The following ATF7 variants were observed in gnomAD, a reference collection of about 807,000 sequenced individuals.
ATF7 encodes cyclic AMP-dependent transcription factor ATF-7.
In ATF7, 10 loss-of-function variants were observed where a neutral mutation model predicts 50.4. That is an observed-to-expected ratio of 0.20 (90% CI 0.12 to 0.34). ATF7 has a LOEUF of 0.34. ATF7 is among the 10% of genes least tolerant of loss of function. The pLI, the probability that ATF7 is intolerant of heterozygous loss-of-function variation, is 1.00. For missense variants in ATF7, 465 were observed against 613.9 expected (o/e 0.76, Z 2.56); for synonymous variants, 201 against 226.4 (o/e 0.89, Z 1.01).
intron 11 of ATF7, 116 bp from the exon 12 acceptor site, chr12:53,517,470 A>T (rs1937780567): frequency 9.4e-7 from 1 of 1,058,728 alleles, no homozygotes. Flanking sequence ...AATGAAACCC[A>T]TCTTTTTTTT....
intron 2 of ATF7, among the ~76,000 whole-genome samples, chr12:53,578,255 T>A (rs1159650793): frequency 6.7e-6 from 1 of 150,234 alleles, no homozygotes; most frequent in Non-Finnish European, 1.5e-5. Context: ...GTACCTATAG[T>A]CCTAGCTATT....
intron 2 of ATF7, among the ~76,000 whole-genome samples, chr12:53,567,958 C>T (rs1172830866): frequency 6.6e-6 from 1 of 152,156 alleles, no homozygotes; most frequent in African/African-American, 2.4e-5. Context: ...CCTTGAAAAA[C>T]GTATCAAATA....
intron 2 of ATF7, among the ~76,000 whole-genome samples, chr12:53,592,998 A>ATTCTTT (rs1356063637): frequency 6.6e-6 from 1 of 152,150 alleles, no homozygotes; most frequent in Non-Finnish European, 1.5e-5. Context: ...TAGCACTGTA[A>ATTCTTT]TTCTTTCAGA....
intron 2 of ATF7, among the ~76,000 whole-genome samples, chr12:53,578,446 C>T (rs369124630): frequency 1.3e-5 from 2 of 150,458 alleles, no homozygotes; most frequent in African/African-American, 4.9e-5. Context: ...TTGTTGCCCA[C>T]AGACTTGCCT....
intron 2 of ATF7, among the ~76,000 whole-genome samples, chr12:53,582,603 G>A (rs1942484994): frequency 6.6e-6 from 1 of 152,120 alleles, no homozygotes; most frequent in African/African-American, 2.4e-5. Context: ...TTTTGAGACG[G>A]AGTCTCGTTC....
downstream of ATF7, among the ~76,000 whole-genome samples, chr12:53,511,863 G>A (rs2137289264): frequency 6.6e-6 from 1 of 152,276 alleles, no homozygotes; most frequent in East Asian, 1.9e-4. Context: ...GTCATACTTT[G>A]TAATTTATAG....
At chr12:53,564,300 C>T (rs990628006) in intron 2 of ATF7, among the ~76,000 whole-genome samples, 3 of 152,154 alleles carry the variant, frequency 2.0e-5, no homozygotes, top group Non-Finnish European at 2.9e-5. Flanking sequence ...CACCTGAACC[C>T]AGGAAGTGGA....
intron 2 of ATF7, among the ~76,000 whole-genome samples, chr12:53,555,574 G>A (rs1270768119): frequency 7.7e-6 from 1 of 129,194 alleles, no homozygotes. Context: ...GCAATGGCAC[G>A]ATCTCAGCTC....
In ATF7 at chr12:53,600,820, C is replaced by A. The variant is rs114461472; in HGVS notation, c.48+133G>T. On this transcript the variant is annotated intron_variant, in intron 2 of 11. Transcript: ENST00000420353. ...CACTTCCTCATAACTTGGATTTACA[C>A]ACTGCAAATCCTCTGATCTGATTAC... 3.7e-6 allele frequency: 3 copies of A among 813,288 alleles called. No individual in the cohort carries two copies. The Admixed American group carries it at 7.5e-5, about 20-fold the overall frequency. The allele number at this position is 813,288 out of a possible 1,614,324, so 50.4% of individuals were successfully genotyped here.
chr12:53,592,268 C>T (rs999284873), intron 2 of ATF7, among the ~76,000 whole-genome samples: 2 of 152,230 alleles, frequency 1.3e-5, no homozygotes, highest in South Asian at 2.1e-4. Flanking sequence ...GCATATTTCA[C>T]TGCACAAAGA....
intron 9 of ATF7, among the ~76,000 whole-genome samples, chr12:53,528,830 A>G (rs1938666135): frequency 2.0e-5 from 3 of 152,190 alleles, no homozygotes; most frequent in Admixed American, 2.0e-4. Context: ...AATAGGGGAA[A>G]GGAAAGGTTC....
chr12:53,565,630 T>C (rs1415555537), intron 2 of ATF7, among the ~76,000 whole-genome samples: 1 of 151,950 alleles, frequency 6.6e-6, no homozygotes, highest in Non-Finnish European at 1.5e-5. Context: ...GTAGCTGGGA[T>C]TACAGGTGTG....
At chr12:53,597,740 C>T (rs1483071184) in intron 2 of ATF7, among the ~76,000 whole-genome samples, 3 of 146,532 alleles carry the variant, frequency 2.0e-5, no homozygotes, top group East Asian at 4.0e-4. Context: ...ACCCAGGAGG[C>T]GGAGCTTGCA....
chr12:53,554,874 A>G (rs1350680677), intron 2 of ATF7, among the ~76,000 whole-genome samples: 2 of 149,494 alleles, frequency 1.3e-5, no homozygotes, highest in Non-Finnish European at 3.0e-5. Flanking sequence ...AAAAAAGAAA[A>G]AAAAAAAAAA....
intron 2 of ATF7, among the ~76,000 whole-genome samples, chr12:53,568,391 C>T (rs903146059): frequency 2.6e-5 from 4 of 151,492 alleles, no homozygotes; most frequent in Non-Finnish European, 5.9e-5. Flanking sequence ...AAGGAGATTA[C>T]GCACACACAC....
At chr12:53,584,311 A>G (rs1452183358) in intron 2 of ATF7, among the ~76,000 whole-genome samples, 3 of 152,218 alleles carry the variant, frequency 2.0e-5, no homozygotes, top group African/African-American at 4.8e-5. Flanking sequence ...AATTAAAACA[A>G]CAAAATCCAT....
intron 7 of ATF7, 113 bp from the exon 8 acceptor site, chr12:53,532,736 T>C (rs1340089137): frequency 1.4e-6 from 1 of 711,992 alleles, no homozygotes; most frequent in Non-Finnish European, 2.4e-6. Flanking sequence ...GGGCCTGTTG[T>C]GTGCAATGTG....
At chr12:53,607,335 G>A (rs1264578155) in intron 1 of ATF7, among the ~76,000 whole-genome samples, 4 of 152,060 alleles carry the variant, frequency 2.6e-5, no homozygotes, top group Non-Finnish European at 5.9e-5. Flanking sequence ...TAGTACTTTT[G>A]GGAGTACATA....
At chr12:53,553,689 G>A (rs964572409) in intron 2 of ATF7, among the ~76,000 whole-genome samples, 14 of 152,104 alleles carry the variant, frequency 9.2e-5, no homozygotes, top group Non-Finnish European at 1.9e-4. Flanking sequence ...GTAACAGCCC[G>A]GATGCTGCAG....
Sources: gnomAD v4.1 joint callset for allele counts (sites outside exome capture counted in the v4.1 genomes callset) on GRCh38, gnomAD v4.1.1 for gene constraint, MANE v1.5 for transcripts, NCBI Gene and HGNC (gene_info 2026-07-23, HGNC 2026-07-21) for gene names.